Variants in CAPN13 observed in about 807,000 individuals in gnomAD.
CAPN13 encodes the protein calpain 13.
CAPN13 carries 90 observed loss-of-function variants against 98.4 expected under a neutral mutation model. That is an observed-to-expected ratio of 0.92 (90% CI 0.77 to 1.09). The LOEUF (loss-of-function observed/expected upper bound fraction) is 1.09, where lower values mean the gene tolerates loss of function less well. Among genes scored for constraint, CAPN13 ranks in the 50% least tolerant of loss-of-function variants. CAPN13 has a pLI of 0.00. For synonymous variants in CAPN13, 330 were observed against 305.5 expected (o/e 1.08, Z -0.84); for missense variants, 887 against 841.3 (o/e 1.05, Z -0.67).
intron 1 of CAPN13, among the ~76,000 whole-genome samples, chr2:30,789,196 T>C (rs1520320): frequency 0.016 from 2,408 of 152,246 alleles, 57 homozygotes; most frequent in African/African-American, 0.053. Flanking sequence ...AAAACAGTGA[T>C]AGAAATTGAT....
At position 30,744,725 on chromosome 2, in the gene CAPN13, G is replaced by A. The variant is rs1671822862; in HGVS notation, c.1248+998C>T. On this transcript the variant is annotated intron_variant, in intron 12 of 22. Transcript: ENST00000295055. ...TGGCAGTGAGAAGTGTGAGTGTGGG[G>A]GAACAACGTGGGGGTTCTTGGTCAA... Among the ~76,000 whole-genome samples the A allele has an allele frequency of 3.3e-5, 5 of 152,132 alleles. No individual in the cohort carries two copies. The South Asian group carries it at 1.0e-3, about 31-fold the overall frequency.
At chr2:30,767,594 A>C (rs539391635) in intron 5 of CAPN13, among the ~76,000 whole-genome samples, 1 of 152,206 alleles carries the variant, frequency 6.6e-6, no homozygotes, top group Non-Finnish European at 1.5e-5. Flanking sequence ...TTTCGTAAGA[A>C]GCTTATAAGT....
intron 1 of CAPN13, among the ~76,000 whole-genome samples, chr2:30,788,636 TAATGAATGAGC>T (rs369113782): frequency 6.6e-6 from 1 of 152,340 alleles, no homozygotes; most frequent in African/African-American, 2.4e-5. Flanking sequence ...AAGCAGGTGA[TAATGAATGAGC>T]AAGGACTATA....
chr2:30,800,153 A>AAAGAAAGAAAGAAAGAAAGAAAGT (rs1558351741), intron 1 of CAPN13, among the ~76,000 whole-genome samples: 35 of 149,424 alleles, frequency 2.3e-4, no homozygotes, highest in African/African-American at 8.5e-4. Context: ...AGAAAGAAAG[A>AAAGAAAGAAAGAAAGAAAGAAAGT]AAGAAAGAAA....
At chr2:30,787,779 G>A (rs1437550618) in intron 1 of CAPN13, among the ~76,000 whole-genome samples, 1 of 152,150 alleles carries the variant, frequency 6.6e-6, no homozygotes, top group Non-Finnish European at 1.5e-5. Flanking sequence ...GAGAGGGTGG[G>A]TAGGAAGTGT....
chr2:30,778,028 A>G (rs139369818), intron 2 of CAPN13, among the ~76,000 whole-genome samples: 2,400 of 152,360 alleles, frequency 0.016, 29 homozygotes, highest in Middle Eastern at 0.061. Flanking sequence ...ATAAAGTACT[A>G]TAACTTTCAT....
At chr2:30,768,426 G>A (rs1207458370) in intron 5 of CAPN13, among the ~76,000 whole-genome samples, 3 of 152,278 alleles carry the variant, frequency 2.0e-5, no homozygotes, top group Admixed American at 6.5e-5. Context: ...GTGACTGGGT[G>A]GGAGGAGGAG....
rs369831748 is a variant in CAPN13, at chr2:30,770,378, G to C, written c.459C>G (p.Leu153=). 1.2e-6 allele frequency: 2 copies of C among 1,613,912 alleles called. No individual in the cohort carries two copies. Among genetic ancestry groups the C allele is most frequent in the Non-Finnish European group, 8.5e-7 (1 of 1,179,886 alleles). ...GGTTTTGGTGGCGAGGACGCACAAA[G>C]AGGCATTTATCTCCCTGGACAGGTA... The part of the protein sequence containing the change: ...DRLPVQGDKC[L]FVRPRHQNQE... The change falls in exon 5 of 23, where the codon CTC becomes CTG. Residue 153 remains leucine (L), a synonymous_variant. Transcript: ENST00000295055.
chr2:30,775,085 A>G (rs1028220713), intron 4 of CAPN13, among the ~76,000 whole-genome samples: 2 of 152,226 alleles, frequency 1.3e-5, no homozygotes, highest in Admixed American at 6.5e-5. Flanking sequence ...TTTGCAGATA[A>G]TATTATTAGA....
intron 1 of CAPN13, among the ~76,000 whole-genome samples, chr2:30,788,603 T>C (rs1674449509): frequency 6.6e-6 from 1 of 152,190 alleles, no homozygotes; most frequent in African/African-American, 2.4e-5. Flanking sequence ...GTTGCACCCA[T>C]TTCCACTTCA....
At chr2:30,782,649 G>A (rs1056709250) in intron 2 of CAPN13, among the ~76,000 whole-genome samples, 10 of 152,182 alleles carry the variant, frequency 6.6e-5, no homozygotes, top group African/African-American at 1.2e-4. Flanking sequence ...CCTCCCTCTA[G>A]GATGGCCACA....
At chr2:30,743,763 A>T (rs915257208) in intron 12 of CAPN13, 184 bp from the exon 13 acceptor site, 1 of 701,272 alleles carries the variant, frequency 1.4e-6, no homozygotes, top group Non-Finnish European at 2.6e-6. Flanking sequence ...CTGTCATTTC[A>T]TCTAGACCCT....
chr2:30,741,998 T>G, intron 14 of CAPN13, 34 bp from the exon 15 acceptor site: 3 of 1,601,766 alleles, frequency 1.9e-6, no homozygotes, highest in Non-Finnish European at 2.6e-6. Flanking sequence ...ATGTTAGACT[T>G]CTGGGGAAGG....
rs1435852734 is a variant in CAPN13 at position 30,751,236 on chromosome 2, T to G, written c.1103A>C (p.Asp368Ala). The change falls in exon 11 of 23, where the codon GAT becomes GCT. Residue 368 changes from aspartate to alanine, a missense_variant. By Grantham distance (126) the Asp-to-Ala change is moderately radical. Transcript: ENST00000295055. ...TTGCACAGAGAAGTTGAATTGAGCA[T>G]CATTCCGAGGTCCTCCTGCATCAGA... ...LGNTAGGPRN[D>A]AQFNFSVQEP... 1 of 1,613,878 alleles carries G rather than the reference T, an allele frequency of 6.2e-7. No individual in the cohort carries two copies. The highest frequency in any genetic ancestry group is 2.2e-5 in the East Asian group (1 of 44,876).
chr2:30,779,547 C>T (rs1673881725), intron 2 of CAPN13, among the ~76,000 whole-genome samples: 1 of 152,100 alleles, frequency 6.6e-6, no homozygotes, highest in South Asian at 2.1e-4. Flanking sequence ...ATACTTAGCG[C>T]AGTGTCTGAC....
intron 4 of CAPN13, among the ~76,000 whole-genome samples, chr2:30,772,832 T>C (rs1673478163): frequency 6.6e-6 from 1 of 152,020 alleles, no homozygotes; most frequent in African/African-American, 2.4e-5. Flanking sequence ...CTTTTTTTTT[T>C]TTTTTGAGAC....
In CAPN13 at chr2:30,758,040, C is replaced by T; in HGVS notation, c.866+6G>A. ...AAGGATGGAGAGAGGTTTCCAGAAG[C>T]CATACCCATCACTCCAGCGCCCTCT... On this transcript the variant is annotated splice_donor_region_variant and intron_variant, in intron 8 of 22. Coordinates refer to ENST00000295055, the MANE Select transcript of CAPN13 (RefSeq NM_144575.3). The T allele has an allele frequency of 6.2e-7, 1 of 1,600,984 alleles. No individual in the cohort carries two copies. Among genetic ancestry groups the T allele is most frequent in the Non-Finnish European group, 8.5e-7 (1 of 1,175,096 alleles).
At chr2:30,731,307 G>A in intron 21 of CAPN13, 37 bp downstream of exon 21, 1 of 1,578,476 alleles carries the variant, frequency 6.3e-7, no homozygotes, top group South Asian at 1.2e-5. Context: ...AGGCAGCCTG[G>A]GACTGTGCCT....
intron 11 of CAPN13, among the ~76,000 whole-genome samples, chr2:30,750,079 C>T (rs568612906): frequency 6.6e-6 from 1 of 152,196 alleles, no homozygotes; most frequent in African/African-American, 2.4e-5. Context: ...CCATCAATGA[C>T]AGATTGGATA....
Sources: allele counts gnomAD v4.1 joint callset (sites outside exome capture counted in the v4.1 genomes callset), GRCh38; gene constraint gnomAD v4.1.1; transcripts MANE v1.5; gene names NCBI Gene and HGNC (gene_info 2026-07-23, HGNC 2026-07-21).